The following BCL9L variants were observed in gnomAD, a reference collection of about 807,000 sequenced individuals.
BCL9L encodes B-cell CLL/lymphoma 9-like protein.
A neutral mutation model predicts 99.4 loss-of-function variants in BCL9L; 19 were observed. The ratio of observed to expected loss-of-function variants is 0.19; its 90% CI spans 0.13 to 0.28. The LOEUF is 0.28. Ranked by LOEUF, BCL9L falls within the 10% of genes least tolerant of loss-of-function variation. BCL9L has a pLI of 1.00. For missense variants in BCL9L, 2,023 were observed against 2,101.6 expected (o/e 0.96, Z 0.73); for synonymous variants, 900 against 854.8 (o/e 1.05, Z -0.92).
At chr11:118,906,281 G>A (rs963073700) in intron 5 of BCL9L, among the ~76,000 whole-genome samples, 1 of 152,220 alleles carries the variant, frequency 6.6e-6, no homozygotes, top group African/African-American at 2.4e-5. Flanking sequence ...GGCTATGGGG[G>A]GAGGTGTCTG....
rs770474642 is a variant in BCL9L at position 118,901,601 on chromosome 11, C to A, written c.2142G>T (p.Ala714=). ...ACATGGCAGGATCCATCTGTCGGTG[C>A]GCCTGCATCATCCGCTCCATCTCCA... ...QSMEMERMMQ[A]HRQMDPAMFP... The change falls in exon 8 of 10, where the codon GCG becomes GCT. Residue 714 remains alanine, a synonymous_variant. Transcript: ENST00000683865. The surrounding 1 kb of genome is among the most constrained non-coding windows in gnomAD (Gnocchi z 6.6). 7 of 1,614,048 alleles carry A rather than the reference C, an allele frequency of 4.3e-6. No homozygotes were observed. In the East Asian group the frequency reaches 1.1e-4, roughly 26 times the overall value.
intron 4 of BCL9L, 142 bp from the exon 5 acceptor site, chr11:118,907,744 C>A: frequency 7.6e-7 from 1 of 1,318,230 alleles, no homozygotes; most frequent in South Asian, 1.4e-5. Flanking sequence ...TTCGCCAGCC[C>A]GTGGCCCCCA....
chr11:118,912,822 C>T (rs778917894), intron 2 of BCL9L, among the ~76,000 whole-genome samples: 9 of 152,160 alleles, frequency 5.9e-5, no homozygotes, highest in Non-Finnish European at 1.2e-4. Context: ...CTGCCAGGGC[C>T]CCCTGTGATG....
At chr11:118,907,248 A>G (rs531368976) in intron 5 of BCL9L, among the ~76,000 whole-genome samples, 3 of 152,134 alleles carry the variant, frequency 2.0e-5, no homozygotes, top group East Asian at 3.9e-4. Context: ...CGTGACCAAG[A>G]AGGAGGCCAC....
At chr11:118,907,251 G>GA (rs1488218741) in intron 5 of BCL9L, among the ~76,000 whole-genome samples, 1 of 152,178 alleles carries the variant, frequency 6.6e-6, no homozygotes, top group Non-Finnish European at 1.5e-5. Context: ...GACCAAGAAG[G>GA]AGGCCACTCC....
At position 118,914,404 on chromosome 11, in the gene BCL9L, T is replaced by C. The variant is rs889576708; in HGVS notation, c.-76-4389A>G. ...CGCCCGCCCGCCTGCCTGCCTGCTCTGCTCTCTCCCCAGGTACAGCCAGAG... is the reference window on the plus strand; with the variant it reads ...CGCCCGCCCGCCTGCCTGCCTGCTCCGCTCTCTCCCCAGGTACAGCCAGAG... On this transcript the variant is annotated intron_variant, in intron 2 of 9. Transcript: ENST00000683865. The surrounding 1 kb of genome is among the most constrained non-coding windows in gnomAD (Gnocchi z 4.4). Among the ~76,000 whole-genome samples, 1 of 152,176 alleles carries C rather than the reference T, an allele frequency of 6.6e-6. No homozygotes were observed. The highest frequency in any genetic ancestry group is 1.5e-5 in the Non-Finnish European group (1 of 68,012).
In BCL9L at chr11:118,900,178, G is replaced by T; in HGVS notation, c.3145C>A (p.Pro1049Thr). ...GGAGGTGCTGAGGAGCTGCTCCGGG[G>T]GCCGCTAGGCGGGAGGGTACCTACA... ...MEQGTLPPSG[P>T]RSSSSAPPAN... The change falls in exon 9 of 10, where the codon CCC (proline) becomes ACC (threonine). Residue 1049 changes from proline to threonine, a missense_variant. Pro to Thr is a conservative substitution (Grantham distance 38). Coordinates refer to ENST00000683865, the MANE Select transcript of BCL9L (RefSeq NM_001378213.1). This position sits in a 1 kb window ranked among gnomAD's most constrained non-coding sequence, Gnocchi z 5.3. 1 of 1,604,988 alleles carries T rather than the reference G, an allele frequency of 6.2e-7. No individual in the cohort carries two copies. Among genetic ancestry groups the T allele is most frequent in the Non-Finnish European group, 8.5e-7 (1 of 1,173,734 alleles).
In BCL9L at chr11:118,896,383, G is replaced by C. The variant is rs1939921187; in HGVS notation, c.*2032C>G. ...GCCTGTGGCGTGGGTGGGAGGAGAG[G>C]GGACGGAGAGGGCACTCGGCCCGCT... On this transcript the variant is annotated 3_prime_UTR_variant, in exon 10 of 10. Coordinates refer to ENST00000683865, the MANE Select transcript of BCL9L (RefSeq NM_001378213.1). The C allele has an allele frequency of 6.6e-6, 1 of 152,368 alleles. No homozygotes were observed. The highest frequency in any genetic ancestry group is 1.5e-5 in the Non-Finnish European group (1 of 68,054). The allele number at this position is 152,368 out of a possible 1,614,324, so 9.4% of individuals were successfully genotyped here.
rs1940914023 is a variant in BCL9L at position 118,914,751 on chromosome 11, C to T, written c.-77+4075G>A. Among the ~76,000 whole-genome samples, 1 of 152,230 alleles carries T rather than the reference C, an allele frequency of 6.6e-6. No individual in the cohort carries two copies. The highest frequency in any genetic ancestry group is 2.4e-5 in the African/African-American group (1 of 41,460). On this transcript the variant is annotated intron_variant, in intron 2 of 9. Transcript: ENST00000683865. This position sits in a 1 kb window ranked among gnomAD's most constrained non-coding sequence, Gnocchi z 4.4. Reference sequence around the variant, plus strand: ...CCAGGCCTCCTCTCCCACACCCATTCAGTAAAGCTGCTCCCAGAGGAGGTC... The same window carrying T: ...CCAGGCCTCCTCTCCCACACCCATTTAGTAAAGCTGCTCCCAGAGGAGGTC...
At chr11:118,912,026 C>T (rs925545102) in intron 2 of BCL9L, among the ~76,000 whole-genome samples, 1 of 152,282 alleles carries the variant, frequency 6.6e-6, no homozygotes, top group Non-Finnish European at 1.5e-5. Context: ...GGGACTCCAC[C>T]CCCTCTCTCC....
Position 118,901,959 on chromosome 11 carries a change from C to A in BCL9L, c.1784G>T (p.Gly595Val). ...DVQDPMQLRG[G>V]PPFPGPRFPG... ...GAAACGGGGCCCAGGAAAGGGAGGT[C>A]CGCCCCGGAGCTGCATGGGATCTTG... The change falls in exon 8 of 10, where the codon GGA (glycine) becomes GTA (valine). Residue 595 changes from glycine to valine, a missense_variant. Gly to Val is a moderately radical substitution (Grantham distance 109, BLOSUM62 -3). This residue lies in a region of BCL9L where 1,116 missense variants were observed against 1,194.6 expected (regional missense o/e 0.93). Transcript: ENST00000683865. This position sits in a 1 kb window ranked among gnomAD's most constrained non-coding sequence, Gnocchi z 6.6. The A allele has an allele frequency of 6.2e-7, 1 of 1,612,836 alleles. No homozygotes were observed. The highest frequency in any genetic ancestry group is 8.5e-7 in the Non-Finnish European group (1 of 1,179,608).
chr11:118,913,459 C>T (rs1027819985), intron 2 of BCL9L, among the ~76,000 whole-genome samples: 1 of 152,214 alleles, frequency 6.6e-6, no homozygotes, highest in African/African-American at 2.4e-5. Context: ...TTGGCTCCTA[C>T]AGTCATTGTC....
chr11:118,900,597 C>T lies in BCL9L; in HGVS notation c.3124+22G>A. 1.3e-6 allele frequency: 2 copies of T among 1,579,832 alleles called. No individual in the cohort carries two copies. The highest frequency in any genetic ancestry group is 2.2e-5 in the East Asian group (1 of 44,452). ...CAGCGCCTGCCTGCCTGCCTGCCTGCCTGCCTGCGCAATTGACTCACCCTG... is the reference window on the plus strand; with the variant it reads ...CAGCGCCTGCCTGCCTGCCTGCCTGTCTGCCTGCGCAATTGACTCACCCTG... On this transcript the variant is annotated intron_variant, in intron 8 of 9. Coordinates refer to ENST00000683865, the MANE Select transcript of BCL9L (RefSeq NM_001378213.1). This position sits in a 1 kb window ranked among gnomAD's most constrained non-coding sequence, Gnocchi z 5.3.
chr11:118,918,241 G>T (rs112121289), intron 2 of BCL9L, among the ~76,000 whole-genome samples: 1 of 152,204 alleles, frequency 6.6e-6, no homozygotes, highest in South Asian at 2.1e-4. Context: ...AGTAAGGAAG[G>T]GGGGCTGGCG....
At chr11:118,910,687 G>C (rs1423434897) in intron 2 of BCL9L, 1 of 154,144 alleles carries the variant, frequency 6.5e-6, no homozygotes, top group Non-Finnish European at 1.5e-5. Flanking sequence ...CAGCGAGGCA[G>C]CGAGCGGGAG....
chr11:118,922,576 G>A lies in BCL9L; in HGVS notation c.-131+2662C>T, dbSNP rs572176120. On this transcript the variant is annotated intron_variant, in intron 1 of 9. Coordinates refer to ENST00000683865, the MANE Select transcript of BCL9L (RefSeq NM_001378213.1). This position sits in a 1 kb window ranked among gnomAD's most constrained non-coding sequence, Gnocchi z 6.2. ...GGTTGAGCCAGTCCATGGAACAGCC[G>A]GCCCCACCCCAGGGAGAGCGGGCCT... Among the ~76,000 whole-genome samples the A allele has an allele frequency of 6.6e-6, 1 of 152,172 alleles. No homozygotes were observed. The highest frequency in any genetic ancestry group is 2.4e-5 in the African/African-American group (1 of 41,536).
intron 1 of BCL9L, among the ~76,000 whole-genome samples, chr11:118,919,650 G>T (rs1273402710): frequency 2.6e-5 from 4 of 151,402 alleles, no homozygotes; most frequent in Non-Finnish European, 5.9e-5. Flanking sequence ...CTGGGCGGGG[G>T]GTGTCCCTGC....
rs769459402 is a variant in BCL9L, at chr11:118,901,596, C to T, written c.2147G>A (p.Arg716Gln). ...MEMERMMQAH[R>Q]QMDPAMFPGQ... ...GGGAAACATGGCAGGATCCATCTGT[C>T]GGTGCGCCTGCATCATCCGCTCCAT... Residue 716 changes from arginine (R) to glutamine (Q), a missense_variant, in exon 8 of 10, where the codon CGA (arginine) becomes CAA (glutamine). Around this residue, in one of 3 missense-constraint regions of BCL9L, gnomAD observed 1,116 missense variants for 1,194.6 expected, o/e 0.93. Transcript: ENST00000683865. The surrounding 1 kb of genome is among the most constrained non-coding windows in gnomAD (Gnocchi z 6.6). 36 of 1,613,958 alleles carry T rather than the reference C, an allele frequency of 2.2e-5. No individual in the cohort carries two copies. The South Asian group carries it at 2.6e-4, about 12-fold the overall frequency.
chr11:118,898,294 G>GCCCCCA lies in BCL9L; in HGVS notation c.*120_*121insTGGGGG. The GCCCCCA allele has an allele frequency of 2.2e-6, 1 of 452,312 alleles. No individual in the cohort carries two copies. The highest frequency in any genetic ancestry group is 4.1e-6 in the Non-Finnish European group (1 of 244,762). 28.0% of individuals were successfully genotyped at this position (452,312 alleles called of 1,614,324 possible). On this transcript the variant is annotated 3_prime_UTR_variant, in exon 10 of 10. Transcript: ENST00000683865. Reference sequence around the variant, plus strand: ...TCCACAAATGCCACTCCCTACACAAGCCCCCTCCCACCCCCTCCACCCCAC... The same window carrying GCCCCCA: ...TCCACAAATGCCACTCCCTACACAAGCCCCCACCCCCTCCCACCCCCTCCACCCCAC...
Sources: gnomAD v4.1 joint callset for allele counts (sites outside exome capture counted in the v4.1 genomes callset) on GRCh38, gnomAD v4.1.1 for gene constraint, gnomAD v4.1.1 regional missense constraint, Gnocchi (gnomAD v3.1) non-coding constraint, MANE v1.5 for transcripts, NCBI Gene and HGNC (gene_info 2026-07-23, HGNC 2026-07-21) for gene names.